Variants in PAPPA2 observed in about 807,000 individuals in gnomAD.
The protein encoded by PAPPA2 is pappalysin 2, also known as pappalysin-2.
PAPPA2 carries 86 observed loss-of-function variants against 176.4 expected under a neutral mutation model. The ratio of observed to expected loss-of-function variants is 0.49; its 90% CI spans 0.41 to 0.58. The LOEUF (loss-of-function observed/expected upper bound fraction) is 0.58. PAPPA2 is among the 20% of genes least tolerant of loss of function. PAPPA2 has a pLI of 0.00. For synonymous variants in PAPPA2, 809 were observed against 852.2 expected (o/e 0.95, Z 0.88); for missense variants, 2,073 against 2,256.9 (o/e 0.92, Z 1.65).
intron 17 of PAPPA2, among the ~76,000 whole-genome samples, chr1:176,784,590 C>CT (rs146840671): frequency 0.35 from 49,678 of 142,224 alleles, 9,065 homozygotes; most frequent in African/African-American, 0.46. Flanking sequence ...AGATGATTCT[C>CT]TTTTTTTTTT....
chr1:176,556,951 A>T lies in PAPPA2; in HGVS notation c.629A>T (p.Gln210Leu), dbSNP rs2102591423. 1 of 1,614,094 alleles carries T rather than the reference A, an allele frequency of 6.2e-7. No homozygotes were observed. The highest frequency in any genetic ancestry group is 2.2e-5 in the East Asian group (1 of 44,870). ...QVWKRRAEDG[Q>L]GDSGISSHFQ... ...TGGAAGAGGCGGGCGGAAGATGGGCAGGGAGACTCCGGTATCTCTTCACAT... is the reference window on the plus strand; with the variant it reads ...TGGAAGAGGCGGGCGGAAGATGGGCTGGGAGACTCCGGTATCTCTTCACAT... The change falls in exon 2 of 23, where the codon CAG becomes CTG. Residue 210 changes from glutamine (Q) to leucine (L), a missense_variant. Around this residue, in one of 4 missense-constraint regions of PAPPA2, gnomAD observed 1,196 missense variants for 1,330.4 expected, o/e 0.90. Transcript: ENST00000367662.
intron 3 of PAPPA2, among the ~76,000 whole-genome samples, chr1:176,623,779 C>CTTTCTTTCTTTCTTTA (rs1655834277): frequency 9.6e-6 from 1 of 104,432 alleles, no homozygotes; most frequent in Non-Finnish European, 2.0e-5. Context: ...TTCTTTCTTT[C>CTTTCTTTCTTTCTTTA]TTTCTTTCTT....
At chr1:176,753,048 T>A (rs1256876815) in intron 14 of PAPPA2, among the ~76,000 whole-genome samples, 1 of 152,258 alleles carries the variant, frequency 6.6e-6, no homozygotes. Flanking sequence ...AAAGGAACTT[T>A]TCCATAGAAC....
At chr1:176,742,155 C>T (rs1662707650) in intron 14 of PAPPA2, among the ~76,000 whole-genome samples, 1 of 152,238 alleles carries the variant, frequency 6.6e-6, no homozygotes, top group Non-Finnish European at 1.5e-5. Context: ...TGTTCTTTCT[C>T]ATTAAACTCT....
intron 2 of PAPPA2, among the ~76,000 whole-genome samples, chr1:176,589,992 G>A (rs1653557703): frequency 6.6e-6 from 1 of 152,186 alleles, no homozygotes; most frequent in Non-Finnish European, 1.5e-5. Context: ...GGGGACCTGT[G>A]CAGGCTACTC....
chr1:176,633,614 T>C (rs1030353446), intron 3 of PAPPA2, among the ~76,000 whole-genome samples: 7 of 152,150 alleles, frequency 4.6e-5, no homozygotes, highest in African/African-American at 1.7e-4. Flanking sequence ...TTTCAAAGAT[T>C]AGATAATTTT....
intron 1 of PAPPA2, among the ~76,000 whole-genome samples, chr1:176,529,594 G>A (rs1649692634): frequency 6.6e-6 from 1 of 152,210 alleles, no homozygotes; most frequent in African/African-American, 2.4e-5. Context: ...TACTGCACAA[G>A]CTGGTGCTCA....
intron 17 of PAPPA2, among the ~76,000 whole-genome samples, chr1:176,778,955 T>G (rs1664582276): frequency 1.3e-5 from 2 of 152,278 alleles, no homozygotes; most frequent in African/African-American, 4.8e-5. Context: ...GCCCCAAGAC[T>G]TAGCCATTCA....
intron 17 of PAPPA2, among the ~76,000 whole-genome samples, chr1:176,778,307 A>AG (rs949694727): frequency 6.6e-6 from 1 of 152,174 alleles, no homozygotes; most frequent in Non-Finnish European, 1.5e-5. Context: ...TAGGGGAAAG[A>AG]GGGGGAAAAA....
chr1:176,782,319 A>G (rs1036226463), intron 17 of PAPPA2, among the ~76,000 whole-genome samples: 2 of 152,230 alleles, frequency 1.3e-5, no homozygotes, highest in Admixed American at 6.5e-5. Context: ...TATCATAGCA[A>G]ATAATGCTTT....
chr1:176,761,224 G>A (rs952130319), intron 14 of PAPPA2, among the ~76,000 whole-genome samples: 4 of 152,108 alleles, frequency 2.6e-5, no homozygotes, highest in African/African-American at 9.7e-5. Context: ...GCAAATCTAG[G>A]GTTATGTGTA....
chr1:176,638,417 G>T (rs375275412), intron 3 of PAPPA2, among the ~76,000 whole-genome samples: 1 of 152,010 alleles, frequency 6.6e-6, no homozygotes, highest in Non-Finnish European at 1.5e-5. Flanking sequence ...GGTGGGTTTT[G>T]TTGAGCTCCG....
intron 12 of PAPPA2, among the ~76,000 whole-genome samples, chr1:176,738,824 T>C (rs946499576): frequency 1.3e-5 from 2 of 152,152 alleles, no homozygotes; most frequent in Non-Finnish European, 2.9e-5. Flanking sequence ...CCAAACTCTC[T>C]AAGATGTTTT....
chr1:176,772,828 C>T (rs1177549469), intron 17 of PAPPA2, among the ~76,000 whole-genome samples: 1 of 151,984 alleles, frequency 6.6e-6, no homozygotes, highest in Admixed American at 6.6e-5. Context: ...CTACAATTAC[C>T]CTGAAGGCTG....
Position 176,765,842 on chromosome 1 carries a change from G to A in PAPPA2, c.4323+5G>A. ...CAGTACATCAGGCCCATGCAGGTGA[G>A]TTGAAAGAACACTATCACCAGGACC... On this transcript the variant is annotated splice_donor_5th_base_variant and intron_variant, in intron 15 of 22. Transcript: ENST00000367662. 1.9e-6 allele frequency: 3 copies of A among 1,613,082 alleles called. No homozygotes were observed. The highest frequency in any genetic ancestry group is 2.5e-6 in the Non-Finnish European group (3 of 1,179,568).
chr1:176,794,592 T>C (rs1004486677), intron 20 of PAPPA2, among the ~76,000 whole-genome samples: 5 of 152,210 alleles, frequency 3.3e-5, no homozygotes, highest in Non-Finnish European at 7.3e-5. Context: ...TCATTTGTCT[T>C]TTTTTGTCTC....
intron 4 of PAPPA2, among the ~76,000 whole-genome samples, chr1:176,671,568 G>T (rs942143677): frequency 6.6e-6 from 1 of 152,026 alleles, no homozygotes. Context: ...CCTGCTCACC[G>T]GGGAAAAGAG....
At chr1:176,652,983 T>C (rs1558498312) in intron 3 of PAPPA2, among the ~76,000 whole-genome samples, 5 of 151,738 alleles carry the variant, frequency 3.3e-5, no homozygotes, top group Non-Finnish European at 5.9e-5. Flanking sequence ...CTTGGTTTTC[T>C]CTCTGGAGAG....
chr1:176,615,688 A>G (rs1655179281), intron 3 of PAPPA2, among the ~76,000 whole-genome samples: 1 of 152,194 alleles, frequency 6.6e-6, no homozygotes. Context: ...AATCACTGTA[A>G]GGCTTGGTTA....
Sources: gnomAD v4.1 joint callset for allele counts (sites outside exome capture counted in the v4.1 genomes callset) on GRCh38, gnomAD v4.1.1 for gene constraint, gnomAD v4.1.1 regional missense constraint, MANE v1.5 for transcripts, NCBI Gene and HGNC (gene_info 2026-07-23, HGNC 2026-07-21) for gene names.